The following DOCK8 variants were observed in gnomAD, a reference collection of about 807,000 sequenced individuals.
DOCK8 encodes dedicator of cytokinesis protein 8.
DOCK8 carries 141 observed loss-of-function variants against 245.6 expected under a neutral mutation model. That is an observed-to-expected ratio of 0.57 (90% CI 0.50 to 0.66). The LOEUF (loss-of-function observed/expected upper bound fraction) is 0.66. Ranked by LOEUF, DOCK8 falls within the 30% of genes least tolerant of loss-of-function variation. The pLI is 0.00. For synonymous variants in DOCK8, 1,168 were observed against 970.2 expected (o/e 1.20, Z -3.79); for missense variants, 2,965 against 2,603.4 (o/e 1.14, Z -3.02).
At chr9:390,433 C>G (rs1341987073) in intron 23 of DOCK8, 38 bp from the exon 24 acceptor site, 2 of 1,577,508 alleles carry the variant, frequency 1.3e-6, no homozygotes, top group Non-Finnish European at 1.7e-6. Context: ...TAATAATAGC[C>G]TTTGTTTCAC....
At chr9:215,078 TGGTGTGAAGCGGAG>T in intron 1 of DOCK8, 49 bp downstream of exon 1, 1 of 1,536,388 alleles carries the variant, frequency 6.5e-7, no homozygotes, top group African/African-American at 1.4e-5. Flanking sequence ...AGCCCAGCGC[TGGTGTGAAGCGGAG>T]CTTCGCTGCA....
intron 7 of DOCK8, 59 bp from the exon 8 acceptor site, chr9:325,612 A>G: frequency 6.8e-7 from 1 of 1,471,052 alleles, no homozygotes; most frequent in Non-Finnish European, 9.5e-7. Context: ...AGGTGTTTTC[A>G]GAAAATTCAA....
rs750715984 is a variant in DOCK8, at chr9:429,682, G to T, written c.4474-20G>T. 6.2e-7 allele frequency: 1 copy of T among 1,613,948 alleles called. No individual in the cohort carries two copies. The highest frequency in any genetic ancestry group is 8.5e-7 in the Non-Finnish European group (1 of 1,180,020). On this transcript the variant is annotated intron_variant, in intron 35 of 47. Transcript: ENST00000432829. ...TCAAACTGCCAAGTGATGCCTAATG[G>T]CCCTTTATGTCTCTCCTAGTTTGGA...
chr9:451,535 A>C (rs1446919217), intron 45 of DOCK8, among the ~76,000 whole-genome samples: 1 of 152,016 alleles, frequency 6.6e-6, no homozygotes, highest in East Asian at 1.9e-4. Flanking sequence ...ACATGGGAGG[A>C]TCACTTGAGC....
chr9:429,594 C>G (rs1285694380), intron 35 of DOCK8, 108 bp from the exon 36 acceptor site: 11 of 1,345,988 alleles, frequency 8.2e-6, no homozygotes, highest in Non-Finnish European at 1.2e-5. Flanking sequence ...AATGCATTAA[C>G]TCTTCTAGGC....
chr9:452,179 C>G, intron 46 of DOCK8, 62 bp downstream of exon 46: 1 of 1,088,266 alleles, frequency 9.2e-7, no homozygotes, highest in Non-Finnish European at 1.4e-6. Flanking sequence ...CAATCTTAGA[C>G]CAGCAGCTTC....
At chr9:212,703 T>A (rs942466033), upstream of DOCK8, 1 of 152,300 alleles carries the variant, frequency 6.6e-6, no homozygotes, top group African/African-American at 2.4e-5. Flanking sequence ...GGCCTAACCT[T>A]CATGGTTAGG....
chr9:420,872 G>A lies in DOCK8; in HGVS notation c.4024-77G>A, dbSNP rs765933119. 8 of 1,583,772 alleles carry A rather than the reference G, an allele frequency of 5.1e-6. No homozygotes were observed. In the East Asian group the frequency reaches 1.8e-4, roughly 35 times the overall value. On this transcript the variant is annotated intron_variant, in intron 31 of 47. Transcript: ENST00000432829. ...CAAACTTAGCTGGCATCACTGTGGA[G>A]TGTACTGTTTTGGTAACTCTCCCCA...
At chr9:240,530 T>C (rs2047353239) in intron 1 of DOCK8, among the ~76,000 whole-genome samples, 1 of 152,176 alleles carries the variant, frequency 6.6e-6, no homozygotes, top group African/African-American at 2.4e-5. Flanking sequence ...AAAGTAAGGT[T>C]ATATAGAATA....
chr9:275,964 C>T (rs1563863072), intron 2 of DOCK8, among the ~76,000 whole-genome samples: 1 of 151,580 alleles, frequency 6.6e-6, no homozygotes, highest in Non-Finnish European at 1.5e-5. Flanking sequence ...GATTTCTGCT[C>T]TCTGCAACCT....
At chr9:414,455 C>G (rs911277873) in intron 28 of DOCK8, among the ~76,000 whole-genome samples, 2 of 152,180 alleles carry the variant, frequency 1.3e-5, no homozygotes, top group Non-Finnish European at 2.9e-5. Context: ...TAGTTCTATC[C>G]TATATTGCTT....
rs188198885 is a variant in DOCK8, at chr9:403,919, T to C, written c.3235-999T>C. ...ATATATATATATATATATATATACA[T>C]ATATATATATGTGTATATATATATG... On this transcript the variant is annotated intron_variant, in intron 26 of 47. Transcript: ENST00000432829. Among the ~76,000 whole-genome samples the C allele has an allele frequency of 9.2e-3, 693 of 75,210 alleles. 8 individuals carry two copies. The highest frequency in any genetic ancestry group is 0.011 in the Non-Finnish European group (486 of 44,552). The allele number at this position is 75,210 out of a possible 152,430, so 49.3% of individuals were successfully genotyped here.
chr9:388,632 G>A (rs184827501), intron 23 of DOCK8, among the ~76,000 whole-genome samples: 65 of 151,366 alleles, frequency 4.3e-4, no homozygotes, highest in African/African-American at 1.5e-3. Flanking sequence ...TTGGCTCACT[G>A]CAACCTCTGC....
chr9:326,635 C>G (rs1043772024), intron 8 of DOCK8, among the ~76,000 whole-genome samples: 4 of 152,216 alleles, frequency 2.6e-5, no homozygotes, highest in African/African-American at 9.6e-5. Flanking sequence ...GTCTTTGTTT[C>G]TTTAACCATC....
chr9:289,046 A>C (rs570319652), intron 3 of DOCK8, among the ~76,000 whole-genome samples: 22 of 152,344 alleles, frequency 1.4e-4, no homozygotes, highest in Admixed American at 2.6e-4. Flanking sequence ...AACAAAAGCC[A>C]GTGTTTGCAA....
chr9:243,899 C>T (rs1587650377), intron 1 of DOCK8, among the ~76,000 whole-genome samples: 1 of 151,968 alleles, frequency 6.6e-6, no homozygotes, highest in South Asian at 2.1e-4. Context: ...TTAATGTCAG[C>T]TCTCGCCGGG....
chr9:218,751 G>A (rs1223985116), intron 1 of DOCK8, among the ~76,000 whole-genome samples: 5 of 152,178 alleles, frequency 3.3e-5, no homozygotes, highest in African/African-American at 9.7e-5. Flanking sequence ...TAAAGAGGAC[G>A]AAAGTGTAGA....
chr9:338,956 C>A, intron 12 of DOCK8, 50 bp from the exon 13 acceptor site: 1 of 1,517,922 alleles, frequency 6.6e-7, no homozygotes, highest in Non-Finnish European at 9.1e-7. Flanking sequence ...TTGTCCCCAA[C>A]CCAAGAGTCA....
intron 2 of DOCK8, among the ~76,000 whole-genome samples, chr9:274,903 G>A (rs946328029): frequency 6.6e-6 from 1 of 152,110 alleles, no homozygotes; most frequent in Admixed American, 6.5e-5. Context: ...CATTTCAATG[G>A]CCCACTTGCT....
Sources: gnomAD v4.1 joint callset for allele counts (sites outside exome capture counted in the v4.1 genomes callset) on GRCh38, gnomAD v4.1.1 for gene constraint, MANE v1.5 for transcripts, NCBI Gene and HGNC (gene_info 2026-07-23, HGNC 2026-07-21) for gene names.